Variants in PALM2AKAP2 observed in about 807,000 individuals in gnomAD.
The protein encoded by PALM2AKAP2 is PALM2 and AKAP2 fusion, also known as PALM2-AKAP2 fusion protein.
PALM2AKAP2 carries 37 observed loss-of-function variants against 71.5 expected under a neutral mutation model. The ratio of observed to expected loss-of-function variants is 0.52; its 90% CI spans 0.40 to 0.68. The LOEUF (loss-of-function observed/expected upper bound fraction) is 0.68. Ranked by LOEUF, PALM2AKAP2 falls within the 30% of genes least tolerant of loss-of-function variation. The probability of loss-of-function intolerance (pLI) is 0.00; values close to 1 mark genes in which losing one functional copy is unlikely to be tolerated. For missense variants in PALM2AKAP2, 1,224 were observed against 1,191.8 expected (o/e 1.03, Z -0.40); for synonymous variants, 468 against 478.8 (o/e 0.98, Z 0.29).
At chr9:109,875,562 A>G (rs1173581860) in intron 2 of PALM2AKAP2, among the ~76,000 whole-genome samples, 2 of 152,176 alleles carry the variant, frequency 1.3e-5, no homozygotes, top group Admixed American at 1.3e-4. Flanking sequence ...AGCCATTGAG[A>G]AAGCTTGTGT....
At chr9:109,965,800 A>G (rs1007795797) in intron 6 of PALM2AKAP2, among the ~76,000 whole-genome samples, 1 of 152,206 alleles carries the variant, frequency 6.6e-6, no homozygotes, top group Admixed American at 6.5e-5. Flanking sequence ...CAGGGGGAAA[A>G]AAAAGAGCTA....
chr9:110,020,735 G>T lies in PALM2AKAP2; in HGVS notation c.582+4696G>T, dbSNP rs563632651. 2.0e-4 allele frequency among the ~76,000 whole-genome samples: 31 copies of T among 152,040 alleles called. 1 individual carries two copies. The highest frequency in any genetic ancestry group is 7.2e-4 in the Admixed American group (11 of 15,242). ...TTCTTCATAAATTACCCAGTCTCAG[G>T]TAACTCTTTACAGCAGTGTGAAAAT... On this transcript the variant is annotated intron_variant, in intron 7 of 9. Transcript: ENST00000302798.
chr9:109,898,761 C>A (rs139521127), intron 3 of PALM2AKAP2, among the ~76,000 whole-genome samples: 178 of 152,314 alleles, frequency 1.2e-3, no homozygotes, highest in Non-Finnish European at 1.9e-3. Flanking sequence ...CCTCCTCCCC[C>A]ATATTTGGAG....
chr9:109,643,203 G>T (rs62581668), intron 1 of PALM2AKAP2, among the ~76,000 whole-genome samples: 31,397 of 152,026 alleles, frequency 0.21, 3,275 homozygotes, highest in African/African-American at 0.27. Context: ...GTGAGAACTA[G>T]CAAGAAGCCA....
At position 109,999,707 on chromosome 9, in the gene PALM2AKAP2, G is replaced by A. The variant is rs73526505; in HGVS notation, c.497-16247G>A. Among the ~76,000 whole-genome samples, 751 of 152,352 alleles carry A rather than the reference G, an allele frequency of 4.9e-3. 6 individuals are homozygous for A. The highest frequency in any genetic ancestry group is 0.017 in the African/African-American group (713 of 41,582). On this transcript the variant is annotated intron_variant, in intron 6 of 9. Transcript: ENST00000302798. ...CGGCCCGCTGAAGCAGCATCGACCA[G>A]GAAGCACCATGAGACACATGTCAGG...
chr9:110,060,020 G>A (rs1006298337), intron 1 of PALM2AKAP2, among the ~76,000 whole-genome samples: 1 of 152,138 alleles, frequency 6.6e-6, no homozygotes, highest in Non-Finnish European at 1.5e-5. Flanking sequence ...CAGAGATCAG[G>A]GTGTCTGCAA....
chr9:109,963,274 T>G (rs1831884665), intron 6 of PALM2AKAP2, among the ~76,000 whole-genome samples: 1 of 152,194 alleles, frequency 6.6e-6, no homozygotes, highest in East Asian at 1.9e-4. Context: ...AGTGGCTGTA[T>G]GCCAGGATGT....
chr9:110,127,043 A>C (rs1041077513), intron 1 of PALM2AKAP2, among the ~76,000 whole-genome samples: 1 of 152,188 alleles, frequency 6.6e-6, no homozygotes, highest in Non-Finnish European at 1.5e-5. Flanking sequence ...CCGTCTTCAG[A>C]CCTGTACCTG....
At chr9:110,127,834 C>A (rs1385502962) in intron 1 of PALM2AKAP2, 1 of 152,222 alleles carries the variant, frequency 6.6e-6, no homozygotes, top group Non-Finnish European at 1.5e-5. Flanking sequence ...GCTATTGCTG[C>A]AGCACTTCCT....
At chr9:109,865,103 T>TTTTTTC (rs1829415378) in intron 1 of PALM2AKAP2, among the ~76,000 whole-genome samples, 1 of 125,920 alleles carries the variant, frequency 7.9e-6, no homozygotes, top group East Asian at 2.3e-4. Flanking sequence ...TTCCTTTTTT[T>TTTTTTC]TTTTTTTTTT....
intron 3 of PALM2AKAP2, among the ~76,000 whole-genome samples, chr9:109,902,911 A>C (rs1201862585): frequency 6.6e-6 from 1 of 152,194 alleles, no homozygotes; most frequent in African/African-American, 2.4e-5. Flanking sequence ...GTCCCTACTC[A>C]GTTCTCACTC....
chr9:109,895,579 G>T (rs1830180143), intron 3 of PALM2AKAP2, among the ~76,000 whole-genome samples: 1 of 152,130 alleles, frequency 6.6e-6, no homozygotes, highest in African/African-American at 2.4e-5. Context: ...TGGTCAGAGG[G>T]CTCATTCAGC....
At chr9:110,000,873 T>G (rs1832669847) in intron 6 of PALM2AKAP2, among the ~76,000 whole-genome samples, 1 of 152,230 alleles carries the variant, frequency 6.6e-6, no homozygotes, top group Non-Finnish European at 1.5e-5. Context: ...TGTTTCTTTC[T>G]TGAAAATTTG....
chr9:110,023,912 G>T (rs1380489744), intron 7 of PALM2AKAP2, among the ~76,000 whole-genome samples: 1 of 152,032 alleles, frequency 6.6e-6, no homozygotes, highest in Non-Finnish European at 1.5e-5. Flanking sequence ...AAGATCGCTT[G>T]AGCCCAGGGA....
At chr9:109,842,829 A>G (rs1179676437) in intron 1 of PALM2AKAP2, among the ~76,000 whole-genome samples, 1 of 152,114 alleles carries the variant, frequency 6.6e-6, no homozygotes, top group Non-Finnish European at 1.5e-5. Context: ...AGCCTGGGCA[A>G]TATAGTGAGA....
intron 6 of PALM2AKAP2, among the ~76,000 whole-genome samples, chr9:109,973,491 C>G (rs1284987673): frequency 3.9e-5 from 6 of 152,084 alleles, no homozygotes; most frequent in Non-Finnish European, 8.8e-5. Context: ...TAAAGTCATG[C>G]TTGGATGTGG....
chr9:110,165,189 G>T (rs750951598), intron 3 of PALM2AKAP2, among the ~76,000 whole-genome samples: 7 of 151,854 alleles, frequency 4.6e-5, no homozygotes, highest in Non-Finnish European at 7.4e-5. Flanking sequence ...AGAGACATAT[G>T]CCTTTTTGCC....
rs571735999 is a variant in PALM2AKAP2 at position 109,679,400 on chromosome 9, A to G, written c.5+38534A>G. 1.6e-4 allele frequency among the ~76,000 whole-genome samples: 25 copies of G among 152,288 alleles called. No individual in the cohort carries two copies. In the East Asian group the frequency reaches 4.8e-3, roughly 29 times the overall value. ...GACTTTGTTCTCTTCTGTTCCATGG[A>G]TATAGACCTTGTCTTTCACCAGGTG... On this transcript the variant is annotated intron_variant, in intron 1 of 6. Coordinates refer to the PALM2AKAP2 transcript ENST00000374531.
At chr9:109,734,662 A>C (rs1828603293) in intron 1 of PALM2AKAP2, among the ~76,000 whole-genome samples, 1 of 152,218 alleles carries the variant, frequency 6.6e-6, no homozygotes, top group Non-Finnish European at 1.5e-5. Context: ...ATTCCATGAC[A>C]TTTTAATTTC....
Sources: allele counts gnomAD v4.1 joint callset (sites outside exome capture counted in the v4.1 genomes callset), GRCh38; gene constraint gnomAD v4.1.1; transcripts MANE v1.5; gene names NCBI Gene and HGNC (gene_info 2026-07-23, HGNC 2026-07-21).